The following ADAM12 variants were observed in gnomAD, a reference collection of about 807,000 sequenced individuals.
The protein encoded by ADAM12 is disintegrin and metalloproteinase domain-containing protein 12.
In ADAM12, 70 loss-of-function variants were observed where a neutral mutation model predicts 106.4. That is an observed-to-expected ratio of 0.66 (90% CI 0.54 to 0.80). The LOEUF is 0.80. ADAM12 is among the 30% of genes least tolerant of loss of function. The probability of loss-of-function intolerance (pLI) is 0.00; values close to 1 mark genes in which losing one functional copy is unlikely to be tolerated. For missense variants in ADAM12, 1,010 were observed against 1,171.9 expected, an observed-to-expected ratio of 0.86 and a Z score of 2.02; for synonymous variants, 420 against 433.5, an observed-to-expected ratio of 0.97 and a Z score of 0.39.
At chr10:126,022,343 C>T (rs934851223) in intron 21 of ADAM12, among the ~76,000 whole-genome samples, 8 of 152,184 alleles carry the variant, frequency 5.3e-5, no homozygotes, top group East Asian at 1.9e-4. Context: ...TGGGGATCAG[C>T]GCAGGCACCA....
At chr10:126,250,434 T>C (rs1281504465) in intron 3 of ADAM12, among the ~76,000 whole-genome samples, 1 of 152,194 alleles carries the variant, frequency 6.6e-6, no homozygotes, top group Admixed American at 6.5e-5. Flanking sequence ...TGCCTAATAA[T>C]GAACATTTTT....
intron 20 of ADAM12, among the ~76,000 whole-genome samples, chr10:126,036,541 C>G (rs1261206189): frequency 1.3e-5 from 2 of 152,128 alleles, no homozygotes; most frequent in Non-Finnish European, 2.9e-5. Context: ...CCCACCAAAT[C>G]TGGAATAGAA....
chr10:126,193,264 C>CAAAAAAAAAAAAAAAAAAAAAAA (rs757716875), intron 3 of ADAM12, among the ~76,000 whole-genome samples: 1 of 26,608 alleles, frequency 3.8e-5, no homozygotes, highest in East Asian at 8.1e-4. Context: ...GACTCCATCT[C>CAAAAAAAAAAAAAAAAAAAAAAA]AAAAAAAAAA....
chr10:126,308,545 T>C (rs1027095512), intron 2 of ADAM12, among the ~76,000 whole-genome samples: 2 of 152,266 alleles, frequency 1.3e-5, no homozygotes, highest in Non-Finnish European at 2.9e-5. Flanking sequence ...GCTTTTACTA[T>C]TGACTGACTT....
intron 2 of ADAM12, among the ~76,000 whole-genome samples, chr10:126,304,862 G>A (rs1244207666): frequency 6.6e-6 from 1 of 151,948 alleles, no homozygotes; most frequent in Non-Finnish European, 1.5e-5. Flanking sequence ...AAATATCAGG[G>A]AAATGTGAAC....
chr10:126,249,975 A>C (rs1590681255), intron 3 of ADAM12, among the ~76,000 whole-genome samples: 3 of 152,248 alleles, frequency 2.0e-5, no homozygotes, highest in African/African-American at 7.2e-5. Flanking sequence ...ACTCATACAC[A>C]ATAAGTAGGC....
At chr10:126,160,384 C>CA (rs957299983) in intron 3 of ADAM12, among the ~76,000 whole-genome samples, 117 of 151,914 alleles carry the variant, frequency 7.7e-4, no homozygotes, top group Middle Eastern at 6.8e-3. Context: ...CCCCCCTCTC[C>CA]AAAAAAAAGC....
At chr10:126,197,620 C>A (rs551920021) in intron 3 of ADAM12, among the ~76,000 whole-genome samples, 8 of 152,164 alleles carry the variant, frequency 5.3e-5, no homozygotes. Context: ...TAAGGAAGGC[C>A]GGATGGTTGA....
At chr10:126,135,545 T>C (rs1470709852) in intron 5 of ADAM12, 39 bp downstream of exon 5, 1 of 1,589,214 alleles carries the variant, frequency 6.3e-7, no homozygotes, top group South Asian at 1.1e-5. Flanking sequence ...CTGCAGTAGA[T>C]GGCTGAAGAC....
intron 3 of ADAM12, among the ~76,000 whole-genome samples, chr10:126,207,921 T>C (rs940269494): frequency 1.3e-5 from 2 of 151,984 alleles, no homozygotes; most frequent in African/African-American, 2.4e-5. Context: ...AAAGGAAAAA[T>C]AGTAGACAGC....
chr10:126,163,104 G>T (rs1338145672), intron 3 of ADAM12, among the ~76,000 whole-genome samples: 1 of 152,116 alleles, frequency 6.6e-6, no homozygotes, highest in African/African-American at 2.4e-5. Flanking sequence ...GCTTTCTGAG[G>T]CTTCCCCAGA....
At chr10:126,091,502 A>G (rs1245439910) in intron 11 of ADAM12, among the ~76,000 whole-genome samples, 1 of 152,246 alleles carries the variant, frequency 6.6e-6, no homozygotes, top group Non-Finnish European at 1.5e-5. Flanking sequence ...ATGAGAAGCA[A>G]ATAGAAAAGA....
intron 10 of ADAM12, among the ~76,000 whole-genome samples, chr10:126,094,508 T>C (rs1955521393): frequency 6.6e-6 from 1 of 152,164 alleles, no homozygotes; most frequent in Admixed American, 6.5e-5. Flanking sequence ...CATTCCTTCA[T>C]GGGCCATAGA....
chr10:126,298,944 T>C (rs1960495905), intron 2 of ADAM12, among the ~76,000 whole-genome samples: 1 of 152,194 alleles, frequency 6.6e-6, no homozygotes, highest in Non-Finnish European at 1.5e-5. Flanking sequence ...GAAATAAAGA[T>C]ATTTGCAGAC....
At chr10:126,144,085 G>A (rs1956579407) in intron 4 of ADAM12, among the ~76,000 whole-genome samples, 1 of 152,186 alleles carries the variant, frequency 6.6e-6, no homozygotes, top group African/African-American at 2.4e-5. Context: ...AGACTATAAA[G>A]AACTAACCTC....
At chr10:126,248,288 G>A (rs1347448182) in intron 3 of ADAM12, among the ~76,000 whole-genome samples, 2 of 152,170 alleles carry the variant, frequency 1.3e-5, no homozygotes, top group Non-Finnish European at 2.9e-5. Flanking sequence ...ACTCGGAAAT[G>A]AGCAAAACTT....
chr10:126,161,263 GC>G (rs1956928929), intron 3 of ADAM12, among the ~76,000 whole-genome samples: 2 of 152,084 alleles, frequency 1.3e-5, no homozygotes, highest in South Asian at 4.1e-4. Context: ...ACTGTGCTGA[GC>G]CCCTGATATC....
intron 1 of ADAM12, among the ~76,000 whole-genome samples, chr10:126,384,333 C>T (rs572104139): frequency 2.6e-5 from 4 of 152,010 alleles, no homozygotes; most frequent in Non-Finnish European, 4.4e-5. Flanking sequence ...CACAAGTTAT[C>T]AAAAAAAGTT....
chr10:126,166,184 A>C (rs918378894), intron 3 of ADAM12, among the ~76,000 whole-genome samples: 4 of 152,236 alleles, frequency 2.6e-5, no homozygotes, highest in African/African-American at 9.6e-5. Context: ...TGACACACTG[A>C]GACATGCTGT....
Sources: gnomAD v4.1 joint callset for allele counts (sites outside exome capture counted in the v4.1 genomes callset) on GRCh38, gnomAD v4.1.1 for gene constraint, MANE v1.5 for transcripts, NCBI Gene and HGNC (gene_info 2026-07-23, HGNC 2026-07-21) for gene names.